NEMP2: variants seen among roughly 807,000 people sequenced by gnomAD.
NEMP2 encodes the protein nuclear envelope integral membrane protein 2.
NEMP2 carries 53 observed loss-of-function variants against 54.2 expected under a neutral mutation model. That is an observed-to-expected ratio of 0.98 (90% confidence interval 0.78 to 1.23). The LOEUF is 1.23. Ranked by LOEUF, NEMP2 falls within the 50% of genes most tolerant of loss-of-function variation. NEMP2 has a pLI of 0.00. For synonymous variants in NEMP2, 197 were observed against 190.3 expected (o/e 1.04, Z -0.29); for missense variants, 455 against 511.3 (o/e 0.89, Z 1.06).
At chr2:190,549,850 C>T in the NEMP2 span, among the ~76,000 whole-genome samples, 7 of 152,102 alleles carry the variant, frequency 4.6e-5, no homozygotes, top group Non-Finnish European at 1.0e-4. Flanking sequence ...CAAAGCAAAA[C>T]GTTTGGGAAA....
rs910481320 is a variant in NEMP2 at position 190,529,220 on chromosome 2, C to T, written c.98-3842G>A. ...AACAAACAAAAACATGAATGGGAAC[C>T]CATCATTTACCTGCTTAAAACCCTC... On this transcript the variant is annotated intron_variant, in intron 1 of 8. Coordinates refer to ENST00000409150, the MANE Select transcript of NEMP2 (RefSeq NM_001142645.2). The surrounding 1 kb of genome is among the most constrained non-coding windows in gnomAD (Gnocchi z 4.7). 1.3e-5 allele frequency among the ~76,000 whole-genome samples: 2 copies of T among 152,062 alleles called. No homozygotes were observed. The highest frequency in any genetic ancestry group is 4.8e-5 in the African/African-American group (2 of 41,408).
At chr2:190,590,925 AC>A in the NEMP2 span, among the ~76,000 whole-genome samples, 2 of 152,180 alleles carry the variant, frequency 1.3e-5, no homozygotes, top group Non-Finnish European at 2.9e-5. The surrounding 1 kb of genome is among the most constrained non-coding windows in gnomAD (Gnocchi z 5.1). Flanking sequence ...CTATATTCCC[AC>A]AATGAAGAAC....
At position 190,506,419 on chromosome 2, in the gene NEMP2, C is replaced by G. The variant is rs1434900517; in HGVS notation, c.*2770G>C. On this transcript the variant is annotated 3_prime_UTR_variant, in exon 9 of 9. Transcript: ENST00000409150. The surrounding 1 kb of genome is among the most constrained non-coding windows in gnomAD (Gnocchi z 6.3). ...TCACACATAGCATAATGTAAGAGAG[C>G]ATTTCTTTAGTTGACATCATTTCAG... The G allele has an allele frequency of 6.6e-6, 1 of 152,178 alleles. No homozygotes were observed. The highest frequency in any genetic ancestry group is 1.5e-5 in the Non-Finnish European group (1 of 68,022). 9.4% of individuals were successfully genotyped at this position (152,178 alleles called of 1,614,324 possible).
At chr2:190,448,764 A>G in the NEMP2 span, among the ~76,000 whole-genome samples, 66 of 152,336 alleles carry the variant, frequency 4.3e-4, 1 homozygote, top group Non-Finnish European at 7.6e-4. Flanking sequence ...GGACCTCTAC[A>G]TTATCTGTAA....
the NEMP2 span, chr2:190,436,730 C>T: frequency 1.2e-6 from 2 of 1,614,210 alleles, no homozygotes; most frequent in Non-Finnish European, 1.7e-6. This position sits in a 1 kb window ranked among gnomAD's most constrained non-coding sequence, Gnocchi z 5.3. Flanking sequence ...GGTGAAATTA[C>T]TAACCGTATG....
the NEMP2 span, among the ~76,000 whole-genome samples, chr2:190,441,816 C>T: frequency 0.56 from 85,529 of 151,840 alleles, 24,706 homozygotes; most frequent in Admixed American, 0.65. Context: ...ACATTCTCTC[C>T]TCTCTTTATT....
the NEMP2 span, among the ~76,000 whole-genome samples, chr2:190,565,963 T>C: frequency 6.6e-6 from 1 of 152,214 alleles, no homozygotes; most frequent in Non-Finnish European, 1.5e-5. Context: ...CATTTTGTTA[T>C]GGCAGCCCTA....
the NEMP2 span, among the ~76,000 whole-genome samples, chr2:190,554,623 C>T: frequency 2.6e-5 from 4 of 152,226 alleles, no homozygotes; most frequent in Non-Finnish European, 5.9e-5. This position sits in a 1 kb window ranked among gnomAD's most constrained non-coding sequence, Gnocchi z 5.7. Context: ...CCTCTCTGGG[C>T]AGGGCATCTC....
the NEMP2 span, among the ~76,000 whole-genome samples, chr2:190,461,472 C>T: frequency 6.6e-6 from 1 of 152,308 alleles, no homozygotes; most frequent in Admixed American, 6.5e-5. This position sits in a 1 kb window ranked among gnomAD's most constrained non-coding sequence, Gnocchi z 5.5. Context: ...CTTTTTCTGA[C>T]ATAAATATTA....
At chr2:190,597,941 A>G in the NEMP2 span, among the ~76,000 whole-genome samples, 4 of 152,180 alleles carry the variant, frequency 2.6e-5, no homozygotes, top group African/African-American at 9.7e-5. This position sits in a 1 kb window ranked among gnomAD's most constrained non-coding sequence, Gnocchi z 4.7. Context: ...TTATGTTCCA[A>G]TACCATACAC....
the NEMP2 span, among the ~76,000 whole-genome samples, chr2:190,475,684 C>T: frequency 3.0e-4 from 45 of 152,164 alleles, 1 homozygote; most frequent in Non-Finnish European, 2.4e-4. Context: ...CTACCAATGA[C>T]TTTCTTCACA....
the NEMP2 span, among the ~76,000 whole-genome samples, chr2:190,611,231 C>T: frequency 6.6e-6 from 1 of 152,090 alleles, no homozygotes; most frequent in Non-Finnish European, 1.5e-5. The surrounding 1 kb of genome is among the most constrained non-coding windows in gnomAD (Gnocchi z 5.4). Context: ...TAGGAGTCTC[C>T]CATAACTTTG....
In NEMP2 at chr2:190,531,950, C is replaced by G. The variant is rs1691158778; in HGVS notation, c.97+2609G>C. On this transcript the variant is annotated intron_variant, in intron 1 of 8. Coordinates refer to ENST00000409150, the MANE Select transcript of NEMP2 (RefSeq NM_001142645.2). This position sits in a 1 kb window ranked among gnomAD's most constrained non-coding sequence, Gnocchi z 4.7. ...ACAAAAATATCTCACCAATGTTCCT[C>G]CTGAAAACTGACATGGCCCTCATAT... Among the ~76,000 whole-genome samples, 1 of 151,514 alleles carries G rather than the reference C, an allele frequency of 6.6e-6. No homozygotes were observed. Among genetic ancestry groups the G allele is most frequent in the South Asian group, 2.1e-4 (1 of 4,798 alleles).
Position 190,525,247 on chromosome 2 carries a change from AAAAGTAGGCCC to A in NEMP2, c.213+5_213+15del. ...ATTCTCTGTCCCTAAGACATGAGTT[AAAAGTAGGCCC>A]TTACCTGCATAGTTGACCATATGTA... is the stretch of plus-strand genomic sequence containing the variant. On this transcript the variant is annotated splice_donor_5th_base_variant and intron_variant, in intron 2 of 8. Transcript: ENST00000409150. This position sits in a 1 kb window ranked among gnomAD's most constrained non-coding sequence, Gnocchi z 5.0. 1 of 1,389,290 alleles carries A rather than the reference AAAAGTAGGCCC, an allele frequency of 7.2e-7. No homozygotes were observed. The highest frequency in any genetic ancestry group is 1.0e-6 in the Non-Finnish European group (1 of 1,002,138). The allele number at this position is 1,389,290 out of a possible 1,614,324, so 86.1% of individuals were successfully genotyped here. A position where few individuals can be genotyped will look rare whatever the true frequency, so the allele number is the denominator to read the frequency against.
chr2:190,519,418 G>A lies in NEMP2; in HGVS notation c.214-235C>T, dbSNP rs188515271. The stretch of plus-strand genomic sequence containing the variant: ...GTATTTTTTGTAGAGATGAGGTTTC[G>A]CCATGTTTCCCAGGCTGGTCTCGAA... On this transcript the variant is annotated intron_variant, in intron 2 of 8. Transcript: ENST00000409150. The surrounding 1 kb of genome is among the most constrained non-coding windows in gnomAD (Gnocchi z 5.4). 6.6e-6 allele frequency among the ~76,000 whole-genome samples: 1 copy of A among 152,026 alleles called. No individual in the cohort carries two copies. Among genetic ancestry groups the A allele is most frequent in the African/African-American group, 2.4e-5 (1 of 41,376 alleles).
the NEMP2 span, among the ~76,000 whole-genome samples, chr2:190,549,202 C>T: frequency 4.6e-5 from 7 of 152,288 alleles, no homozygotes; most frequent in African/African-American, 7.2e-5. Context: ...CAAAGGCTTC[C>T]GCAGACTTGG....
At chr2:190,555,943 T>C in the NEMP2 span, among the ~76,000 whole-genome samples, 7 of 151,906 alleles carry the variant, frequency 4.6e-5, no homozygotes, top group African/African-American at 9.7e-5. The surrounding 1 kb of genome is among the most constrained non-coding windows in gnomAD (Gnocchi z 4.8). Flanking sequence ...TTCCAAACAA[T>C]AGAAAAAGAG....
the NEMP2 span, among the ~76,000 whole-genome samples, chr2:190,605,515 C>T: frequency 3.9e-5 from 6 of 152,210 alleles, no homozygotes; most frequent in Non-Finnish European, 8.8e-5. Flanking sequence ...GCTGGGACTA[C>T]AGGCCCCCAC....
chr2:190,456,242 G>T, the NEMP2 span, among the ~76,000 whole-genome samples: 2 of 152,030 alleles, frequency 1.3e-5, no homozygotes, highest in African/African-American at 4.8e-5. This position sits in a 1 kb window ranked among gnomAD's most constrained non-coding sequence, Gnocchi z 5.4. Flanking sequence ...TGCCTGGCCT[G>T]CTCTACTTTT....
Sources: gnomAD v4.1 joint callset for allele counts (sites outside exome capture counted in the v4.1 genomes callset) on GRCh38, gnomAD v4.1.1 for gene constraint, Gnocchi (gnomAD v3.1) non-coding constraint, MANE v1.5 for transcripts, NCBI Gene and HGNC (gene_info 2026-07-23, HGNC 2026-07-21) for gene names.